The following TNFRSF11A variants were observed in gnomAD, a reference collection of about 807,000 sequenced individuals.
TNFRSF11A encodes tumor necrosis factor receptor superfamily member 11A.
Under a neutral mutation model 55.7 loss-of-function variants are expected in TNFRSF11A, and 32 were observed. That is an observed-to-expected ratio of 0.57 (90% confidence interval 0.43 to 0.77). TNFRSF11A has a LOEUF of 0.77. Ranked by LOEUF, TNFRSF11A falls within the 30% of genes least tolerant of loss-of-function variation. The pLI is 0.00. For synonymous variants in TNFRSF11A, 311 were observed against 331.0 expected, an observed-to-expected ratio of 0.94 and a Z score of 0.65; for missense variants, 753 against 809.8, an observed-to-expected ratio of 0.93 and a Z score of 0.85.
intron 6 of TNFRSF11A, among the ~76,000 whole-genome samples, chr18:62,361,448 C>A (rs1909676345): frequency 6.6e-6 from 1 of 152,172 alleles, no homozygotes; most frequent in Non-Finnish European, 1.5e-5. Context: ...ATGGCCCTGG[C>A]TGCTCTCCCG....
At chr18:62,356,676 G>A (rs570442369) in intron 4 of TNFRSF11A, among the ~76,000 whole-genome samples, 5 of 152,310 alleles carry the variant, frequency 3.3e-5, no homozygotes, top group South Asian at 2.1e-4. Flanking sequence ...TTAATAGAGC[G>A]GGAAAGGTGG....
chr18:62,382,483 T>C (rs545795320), intron 9 of TNFRSF11A, among the ~76,000 whole-genome samples: 254 of 152,330 alleles, frequency 1.7e-3, no homozygotes, highest in African/African-American at 5.7e-3. Flanking sequence ...AAATGAGAAA[T>C]TACAGATATT....
Position 62,349,467 on chromosome 18 carries a change from C to T in TNFRSF11A, c.158-345C>T, listed in dbSNP as rs563348277. On this transcript the variant is annotated intron_variant, in intron 2 of 9. Coordinates refer to ENST00000586569, the MANE Select transcript of TNFRSF11A (RefSeq NM_003839.4). The stretch of plus-strand genomic sequence containing the variant: ...AACTGCTGGGATTACAGGTGTGAGC[C>T]ACCGTGCCTGGCCCATCATTCTATT... Among the ~76,000 whole-genome samples the T allele has an allele frequency of 6.6e-5, 10 of 152,306 alleles. No individual in the cohort carries two copies. The East Asian group carries it at 1.9e-3, about 29-fold the overall frequency.
At chr18:62,337,020 A>C (rs7237982) in intron 1 of TNFRSF11A, among the ~76,000 whole-genome samples, 31 of 152,012 alleles carry the variant, frequency 2.0e-4, no homozygotes, top group Non-Finnish European at 3.5e-4. Context: ...AGGTGGTCAG[A>C]GGGGGAAATG....
chr18:62,361,670 T>A lies in TNFRSF11A; in HGVS notation c.617-10T>A, dbSNP rs774147578. 2 of 1,609,094 alleles carry A rather than the reference T, an allele frequency of 1.2e-6. No individual in the cohort carries two copies. Among genetic ancestry groups the A allele is most frequent in the Non-Finnish European group, 1.7e-6 (2 of 1,175,514 alleles). On this transcript the variant is annotated splice_polypyrimidine_tract_variant and intron_variant, in intron 6 of 9. Transcript: ENST00000586569. ...TTTACTACCATATTTCTCATTTTCT[T>A]CCAATACAGAACCCCATGTTTACTT... is the stretch of plus-strand genomic sequence containing the variant.
At chr18:62,370,830 CTTTTCT>C (rs1370581159) in intron 9 of TNFRSF11A, among the ~76,000 whole-genome samples, 17 of 86,514 alleles carry the variant, frequency 2.0e-4, no homozygotes, top group African/African-American at 4.9e-4. Flanking sequence ...CTTTTCTTTT[CTTTTCT>C]TTTTTTTTTT....
intron 9 of TNFRSF11A, 80 bp from the exon 10 acceptor site, chr18:62,384,670 TC>T: frequency 6.5e-7 from 1 of 1,539,916 alleles, no homozygotes; most frequent in East Asian, 2.4e-5. Context: ...CGCCCTCCAC[TC>T]CCCGGAACCT....
intron 1 of TNFRSF11A, among the ~76,000 whole-genome samples, chr18:62,339,463 C>T (rs552451727): frequency 6.2e-4 from 94 of 150,532 alleles, no homozygotes; most frequent in African/African-American, 2.0e-3. Flanking sequence ...TCTCCTTCCT[C>T]GTCCACGATC....
At chr18:62,353,984 C>T (rs1009798126) in intron 3 of TNFRSF11A, among the ~76,000 whole-genome samples, 4 of 152,126 alleles carry the variant, frequency 2.6e-5, no homozygotes, top group African/African-American at 9.7e-5. Context: ...CTCCAGAAAC[C>T]CTGTTCTCTA....
At chr18:62,379,663 G>A (rs1023405916) in intron 9 of TNFRSF11A, among the ~76,000 whole-genome samples, 8 of 152,114 alleles carry the variant, frequency 5.3e-5, no homozygotes, top group Middle Eastern at 3.2e-3. Context: ...CTCTTTCCAC[G>A]TTAAAGAACC....
rs868774273 is a variant in TNFRSF11A at position 62,384,819 on chromosome 18, A to G, written c.1636A>G (p.Ile546Val). The G allele has an allele frequency of 1.9e-6, 3 of 1,612,460 alleles. No homozygotes were observed. Among genetic ancestry groups the G allele is most frequent in the South Asian group, 2.2e-5 (2 of 90,456 alleles). ...SGQVMNFKGD[I>V]IVVYVSQTSQ... The stretch of plus-strand genomic sequence containing the variant: ...GCAGGTGATGAACTTCAAGGGCGAC[A>G]TCATCGTGGTCTACGTCAGCCAGAC... Residue 546 changes from isoleucine (I) to valine (V), a missense_variant, in exon 10 of 10, where the codon ATC (isoleucine) becomes GTC (valine). Ile to Val is a conservative substitution (Grantham distance 29). This residue lies in a region of TNFRSF11A where 567 missense variants were observed against 596.7 expected (regional missense o/e 0.95). Coordinates refer to ENST00000586569, the MANE Select transcript of TNFRSF11A (RefSeq NM_003839.4).
chr18:62,335,573 C>T (rs2046220159), intron 1 of TNFRSF11A, among the ~76,000 whole-genome samples: 1 of 152,210 alleles, frequency 6.6e-6, no homozygotes, highest in South Asian at 2.1e-4. Flanking sequence ...TCATGGGAGG[C>T]TCTCCATTTC....
intron 1 of TNFRSF11A, among the ~76,000 whole-genome samples, chr18:62,334,680 T>G (rs2046204016): frequency 6.6e-6 from 1 of 152,240 alleles, no homozygotes; most frequent in South Asian, 2.1e-4. Context: ...GTCTCTACCA[T>G]GGAACAAATC....
At position 62,384,971 on chromosome 18, in the gene TNFRSF11A, G is replaced by T; in HGVS notation, c.1788G>T (p.Glu596Asp). ...PRFPDPCGGP[E>D]GLREPEKASR... is the part of the protein sequence containing the mutation. Reference sequence around the variant, plus strand: ...TCCCGGACCCGTGCGGCGGCCCCGAGGGGCTGCGGGAGCCGGAGAAGGCCT... The same window carrying T: ...TCCCGGACCCGTGCGGCGGCCCCGATGGGCTGCGGGAGCCGGAGAAGGCCT... The change falls in exon 10 of 10, where the codon GAG becomes GAT. Residue 596 changes from glutamate (E) to aspartate (D), a missense_variant. By Grantham distance (45) the Glu-to-Asp change is conservative. Transcript: ENST00000586569. The T allele has an allele frequency of 6.8e-7, 1 of 1,474,088 alleles. No individual in the cohort carries two copies. Among genetic ancestry groups the T allele is most frequent in the Non-Finnish European group, 8.9e-7 (1 of 1,122,304 alleles). The allele number at this position is 1,474,088 out of a possible 1,614,324, so 91.3% of individuals were successfully genotyped here.
intron 9 of TNFRSF11A, among the ~76,000 whole-genome samples, chr18:62,379,524 G>A (rs1334260324): frequency 2.6e-5 from 4 of 152,112 alleles, no homozygotes; most frequent in African/African-American, 9.7e-5. Context: ...GGGATGATTC[G>A]GGGAATGAAT....
intron 8 of TNFRSF11A, 150 bp downstream of exon 8, chr18:62,366,910 G>T: frequency 1.2e-6 from 1 of 806,508 alleles, no homozygotes. Flanking sequence ...GTGCAGGGGT[G>T]CAATCTCAGC....
At chr18:62,359,385 T>C (rs1423193526) in intron 5 of TNFRSF11A, among the ~76,000 whole-genome samples, 1 of 126,816 alleles carries the variant, frequency 7.9e-6, no homozygotes, top group Non-Finnish European at 1.7e-5. Flanking sequence ...GGAATATGCA[T>C]TTTTTTTTTC....
intron 9 of TNFRSF11A, among the ~76,000 whole-genome samples, chr18:62,378,302 G>A (rs1911033638): frequency 6.6e-6 from 1 of 152,174 alleles, no homozygotes; most frequent in African/African-American, 2.4e-5. Flanking sequence ...TCAACTCACA[G>A]CAGACTTGCG....
In TNFRSF11A at chr18:62,369,515, G is replaced by A. The variant is rs377119987; in HGVS notation, c.1567+31G>A. On this transcript the variant is annotated intron_variant, in intron 9 of 9. Coordinates refer to ENST00000586569, the MANE Select transcript of TNFRSF11A (RefSeq NM_003839.4). ...TGACTTCCCAGTCTCTCACTTCTGA[G>A]CAGAAGGGCCAGTTCTTGGTACAGG... is the stretch of plus-strand genomic sequence containing the variant. 2.9e-4 allele frequency: 459 copies of A among 1,599,820 alleles called. No individual in the cohort carries two copies. The African/African-American group carries it at 5.4e-3, about 19-fold the overall frequency.
Sources: gnomAD v4.1 joint callset for allele counts (sites outside exome capture counted in the v4.1 genomes callset) on GRCh38, gnomAD v4.1.1 for gene constraint, gnomAD v4.1.1 regional missense constraint, MANE v1.5 for transcripts, NCBI Gene and HGNC (gene_info 2026-07-23, HGNC 2026-07-21) for gene names.